Variants in DLGAP2 observed in about 807,000 individuals in gnomAD.
DLGAP2 encodes disks large-associated protein 2.
A neutral mutation model predicts 100.3 loss-of-function variants in DLGAP2; 26 were observed. The ratio of observed to expected loss-of-function variants is 0.26; its 90% confidence interval spans 0.19 to 0.36. DLGAP2 has a LOEUF of 0.36. Among genes scored for constraint, DLGAP2 ranks in the 10% least tolerant of loss-of-function variants. The probability of loss-of-function intolerance (pLI) is 1.00; values close to 1 mark genes in which losing one functional copy is unlikely to be tolerated. For missense variants in DLGAP2, 1,858 were observed against 1,453.2 expected, an observed-to-expected ratio of 1.28 and a Z score of -4.53; for synonymous variants, 886 against 630.1, an observed-to-expected ratio of 1.41 and a Z score of -6.08.
chr8:996,658 T>C (rs909070646), intron 2 of DLGAP2, among the ~76,000 whole-genome samples: 4 of 152,194 alleles, frequency 2.6e-5, no homozygotes, highest in African/African-American at 9.7e-5. Context: ...GTTCAGTAGT[T>C]TTCAGCCTTT....
Position 1,626,814 on chromosome 8 carries a change from C to G in DLGAP2, c.1517C>G (p.Pro506Arg), listed in dbSNP as rs377198976. Residue 506 changes from proline (P) to arginine (R), a missense_variant, in exon 7 of 15, where the codon CCG becomes CGG. By Grantham distance (103) the Pro-to-Arg change is moderately radical. Coordinates refer to ENST00000637795, the MANE Select transcript of DLGAP2 (RefSeq NM_001346810.2). The part of the protein sequence containing the change: ...SLDPAANYNS[P>R]KFRSRNQSYM... The stretch of plus-strand genomic sequence containing the variant: ...GACCCCGCTGCGAACTACAACTCCC[C>G]GAAATTCCGCTCCCGGAACCAGAGC... 6.2e-7 allele frequency: 1 copy of G among 1,605,038 alleles called. No homozygotes were observed. The highest frequency in any genetic ancestry group is 8.5e-7 in the Non-Finnish European group (1 of 1,176,134).
At chr8:1,519,313 TA>T (rs35840589) in intron 4 of DLGAP2, among the ~76,000 whole-genome samples, 105,316 of 151,302 alleles carry the variant, frequency 0.7, 37,044 homozygotes, top group South Asian at 0.82. Context: ...TTGGAAATCT[TA>T]AAAAAAAAAT....
chr8:843,916 G>A (rs910168459), intron 1 of DLGAP2, among the ~76,000 whole-genome samples: 1 of 152,156 alleles, frequency 6.6e-6, no homozygotes, highest in Non-Finnish European at 1.5e-5. Context: ...TATCTGGCTT[G>A]TTTTAGACAC....
chr8:743,336 G>A (rs899208102), intron 1 of DLGAP2, among the ~76,000 whole-genome samples: 6 of 152,100 alleles, frequency 3.9e-5, no homozygotes, highest in African/African-American at 7.2e-5. Context: ...CAGGGTAGAC[G>A]TTGCATACTC....
chr8:856,728 AGATCTAAGT>A (rs1299731556), intron 1 of DLGAP2, among the ~76,000 whole-genome samples: 1 of 152,250 alleles, frequency 6.6e-6, no homozygotes, highest in Non-Finnish European at 1.5e-5. Context: ...AAATGAAAGG[AGATCTAAGT>A]AATGGGGAGG....
At chr8:1,379,329 G>C (rs1032156288) in intron 3 of DLGAP2, among the ~76,000 whole-genome samples, 12 of 152,258 alleles carry the variant, frequency 7.9e-5, no homozygotes, top group African/African-American at 2.9e-4. Context: ...TAAGAGCCGC[G>C]TCTTTGCTAA....
At chr8:1,508,521 C>CGCCACCCCCCGCAAACCCCT (rs1462173193) in intron 4 of DLGAP2, among the ~76,000 whole-genome samples, 13 of 46,946 alleles carry the variant, frequency 2.8e-4, no homozygotes, top group Non-Finnish European at 4.2e-4. Context: ...TGCAAACCCC[C>CGCCACCCCCCGCAAACCCCT]GCCACCACGC....
chr8:1,159,777 CA>C, intron 2 of DLGAP2, among the ~76,000 whole-genome samples: 1 of 152,234 alleles, frequency 6.6e-6, no homozygotes, highest in South Asian at 2.1e-4. Flanking sequence ...GTGAAGTATT[CA>C]AGGAACGAAT....
intron 4 of DLGAP2, among the ~76,000 whole-genome samples, chr8:1,522,070 G>A (rs144941146): frequency 8.5e-4 from 129 of 151,410 alleles, no homozygotes; most frequent in African/African-American, 1.8e-3. Flanking sequence ...TGGAATACTC[G>A]GGGGCAGGTG....
At chr8:1,162,034 T>C (rs117205804) in intron 2 of DLGAP2, among the ~76,000 whole-genome samples, 5,422 of 152,272 alleles carry the variant, frequency 0.036, 137 homozygotes, top group Non-Finnish European at 0.058. Flanking sequence ...ACCAGCGGCC[T>C]GTGAGGGGAG....
intron 3 of DLGAP2, among the ~76,000 whole-genome samples, chr8:1,468,846 C>A (rs1037631457): frequency 3.3e-5 from 5 of 152,164 alleles, no homozygotes; most frequent in African/African-American, 1.2e-4. Context: ...TTGTGGTGAC[C>A]GTCATCCTGG....
intron 3 of DLGAP2, among the ~76,000 whole-genome samples, chr8:1,261,742 T>C (rs1799354946): frequency 6.6e-6 from 1 of 152,268 alleles, no homozygotes; most frequent in Non-Finnish European, 1.5e-5. Flanking sequence ...CAAAGCACTG[T>C]CATATGAATA....
intron 4 of DLGAP2, among the ~76,000 whole-genome samples, chr8:1,544,215 C>G (rs1801457590): frequency 6.6e-6 from 1 of 151,956 alleles, no homozygotes. Flanking sequence ...CTTTTACCTC[C>G]TTGGTTAGGC....
At chr8:1,023,445 C>G (rs1028405122) in intron 2 of DLGAP2, among the ~76,000 whole-genome samples, 1 of 152,182 alleles carries the variant, frequency 6.6e-6, no homozygotes, top group Admixed American at 6.5e-5. Context: ...ATCCCATGAC[C>G]TGAGCCTCCC....
intron 2 of DLGAP2, among the ~76,000 whole-genome samples, chr8:1,230,953 G>A (rs1798523080): frequency 6.6e-6 from 1 of 152,118 alleles, no homozygotes; most frequent in Non-Finnish European, 1.5e-5. Context: ...CTTGGGAAAG[G>A]ATTTATGACT....
At chr8:1,198,967 A>T (rs2116751744) in intron 2 of DLGAP2, among the ~76,000 whole-genome samples, 1 of 152,344 alleles carries the variant, frequency 6.6e-6, no homozygotes, top group Non-Finnish European at 1.5e-5. Flanking sequence ...GGGCTATACC[A>T]GTTGTGGATG....
At chr8:1,340,940 G>A (rs1801403314) in intron 3 of DLGAP2, among the ~76,000 whole-genome samples, 3 of 152,196 alleles carry the variant, frequency 2.0e-5, no homozygotes, top group African/African-American at 7.2e-5. Context: ...CAGGGATATG[G>A]ATGGAGCTGG....
chr8:1,080,271 C>T (rs182941358), intron 2 of DLGAP2, among the ~76,000 whole-genome samples: 1 of 152,342 alleles, frequency 6.6e-6, no homozygotes, highest in Non-Finnish European at 1.5e-5. Flanking sequence ...ATGCGGGCGC[C>T]ACCCCCGCCC....
intron 2 of DLGAP2, among the ~76,000 whole-genome samples, chr8:1,009,707 C>G (rs527787814): frequency 2.6e-5 from 4 of 152,322 alleles, no homozygotes; most frequent in East Asian, 1.9e-4. Flanking sequence ...GAAATGGAAC[C>G]TTTTCCTTTC....
Sources: gnomAD v4.1 joint callset for allele counts (sites outside exome capture counted in the v4.1 genomes callset) on GRCh38, gnomAD v4.1.1 for gene constraint, MANE v1.5 for transcripts, NCBI Gene and HGNC (gene_info 2026-07-23, HGNC 2026-07-21) for gene names.